The following PRELID2 variants were observed in gnomAD, a reference collection of about 807,000 sequenced individuals.
The protein encoded by PRELID2 is PRELI domain-containing protein 2.
In PRELID2, 25 loss-of-function variants were observed where a neutral mutation model predicts 28.4. That is an observed-to-expected ratio of 0.88 (90% confidence interval 0.64 to 1.23). PRELID2 has a LOEUF of 1.23. Among genes scored for constraint, PRELID2 ranks in the 50% most tolerant of loss-of-function variants. The pLI is 0.00. For missense variants in PRELID2, 201 were observed against 214.4 expected (o/e 0.94, Z 0.39); for synonymous variants, 76 against 71.6 (o/e 1.06, Z -0.31).
At chr5:145,575,534 A>T (rs1360315234) in intron 1 of PRELID2, among the ~76,000 whole-genome samples, 1 of 152,170 alleles carries the variant, frequency 6.6e-6, no homozygotes, top group Non-Finnish European at 1.5e-5. Flanking sequence ...GGACCTTTCT[A>T]TAGTTTCCTC....
At chr5:145,732,746 T>C (rs1192656323) in intron 1 of PRELID2, among the ~76,000 whole-genome samples, 1 of 152,086 alleles carries the variant, frequency 6.6e-6, no homozygotes, top group Admixed American at 6.6e-5. Context: ...ACAATACTAA[T>C]TGTCTTTCAA....
chr5:145,687,031 A>G (rs953992712), intron 1 of PRELID2, among the ~76,000 whole-genome samples: 2 of 152,206 alleles, frequency 1.3e-5, no homozygotes, highest in African/African-American at 4.8e-5. Flanking sequence ...ACAAAAAAGT[A>G]TGAAAATAAT....
At chr5:145,307,347 G>A in the PRELID2 span, among the ~76,000 whole-genome samples, 1 of 152,144 alleles carries the variant, frequency 6.6e-6, no homozygotes, top group Admixed American at 6.5e-5. Flanking sequence ...TCTCTCCATG[G>A]CACAAGCAGC....
intron 1 of PRELID2, among the ~76,000 whole-genome samples, chr5:145,558,171 A>G (rs1321816833): frequency 6.6e-6 from 1 of 152,244 alleles, no homozygotes; most frequent in Admixed American, 6.5e-5. Flanking sequence ...TAATGGGACT[A>G]TTAAAACCTG....
intron 1 of PRELID2, among the ~76,000 whole-genome samples, chr5:145,533,700 C>A (rs955710223): frequency 3.9e-5 from 6 of 151,998 alleles, no homozygotes; most frequent in Non-Finnish European, 8.8e-5. Context: ...ATACTGTATT[C>A]CCTCTTTTTG....
chr5:145,471,773 G>A (rs763695315), downstream of PRELID2: 5 of 152,066 alleles, frequency 3.3e-5, no homozygotes, highest in Non-Finnish European at 7.4e-5. Context: ...ACTGACATAT[G>A]TAATACAATT....
rs116032196 is a variant in PRELID2 at position 145,611,172 on chromosome 5, A to T, written n.71-137857T>A. 1.6e-3 allele frequency among the ~76,000 whole-genome samples: 241 copies of T among 149,192 alleles called. 2 individuals are homozygous for T. Among genetic ancestry groups the T allele is most frequent in the Admixed American group, 2.5e-3 (37 of 14,884 alleles). On this transcript the variant is annotated intron_variant and non_coding_transcript_variant, in intron 1 of 2. Transcript: ENST00000510259. ...CTGAGAAACGAATTTAGCAAGGTCA[A>T]TTTTTTTTTTATATGGGGTCTTGTT...
At chr5:145,832,514 C>T (rs545878134) in intron 1 of PRELID2, among the ~76,000 whole-genome samples, 27 of 152,144 alleles carry the variant, frequency 1.8e-4, no homozygotes, top group South Asian at 4.2e-4. Flanking sequence ...CCCTGTATTA[C>T]CTCAATAATC....
intron 1 of PRELID2, among the ~76,000 whole-genome samples, chr5:145,685,602 T>G (rs1427374091): frequency 6.6e-6 from 1 of 152,180 alleles, no homozygotes; most frequent in Non-Finnish European, 1.5e-5. Flanking sequence ...GTCCCACATC[T>G]GTTTCAGGAG....
chr5:145,606,945 T>C (rs539370167), intron 1 of PRELID2, among the ~76,000 whole-genome samples: 13 of 152,150 alleles, frequency 8.5e-5, no homozygotes, highest in Non-Finnish European at 1.5e-5. Flanking sequence ...TTTCAGGGAT[T>C]CAGTTTCTTC....
intron 1 of PRELID2, among the ~76,000 whole-genome samples, chr5:145,825,257 A>AAAAC (rs1755113586): frequency 7.1e-6 from 1 of 141,090 alleles, no homozygotes; most frequent in African/African-American, 2.8e-5. Flanking sequence ...AAAAAAAAAA[A>AAAAC]AAACTTGGAA....
At chr5:145,676,231 A>T (rs182437839) in intron 1 of PRELID2, among the ~76,000 whole-genome samples, 10,282 of 148,866 alleles carry the variant, frequency 0.069, 576 homozygotes, top group Admixed American at 0.18. Flanking sequence ...AAAAAAAAAA[A>T]AAAAAAAAAA....
intron 1 of PRELID2, among the ~76,000 whole-genome samples, chr5:145,479,161 G>A (rs943677230): frequency 3.3e-5 from 5 of 152,112 alleles, no homozygotes; most frequent in South Asian, 4.1e-4. Context: ...CCAAACCAAC[G>A]TTCCTAAATC....
At chr5:145,594,675 T>C (rs1753277870) in intron 1 of PRELID2, among the ~76,000 whole-genome samples, 1 of 152,208 alleles carries the variant, frequency 6.6e-6, no homozygotes, top group South Asian at 2.1e-4. Flanking sequence ...TCATAATTCA[T>C]CAAGTTAAAA....
chr5:145,572,064 G>A (rs1753019704), intron 1 of PRELID2, among the ~76,000 whole-genome samples: 1 of 151,964 alleles, frequency 6.6e-6, no homozygotes, highest in Non-Finnish European at 1.5e-5. Context: ...GACTTTATCT[G>A]TATAATAAGA....
intron 1 of PRELID2, among the ~76,000 whole-genome samples, chr5:145,520,036 C>T (rs1480409353): frequency 6.6e-6 from 1 of 152,130 alleles, no homozygotes; most frequent in Non-Finnish European, 1.5e-5. Context: ...GGATTCCGAC[C>T]AATTTGAGCA....
chr5:145,289,393 G>T, the PRELID2 span, among the ~76,000 whole-genome samples: 1 of 152,072 alleles, frequency 6.6e-6, no homozygotes, highest in South Asian at 2.1e-4. Context: ...CTAGCAATAT[G>T]GACTTAAGAC....
intron 1 of PRELID2, among the ~76,000 whole-genome samples, chr5:145,665,989 A>ATT (rs1456539361): frequency 1.2e-4 from 16 of 138,440 alleles, no homozygotes; most frequent in African/African-American, 5.1e-4. Context: ...TTTTTTTTAA[A>ATT]AAAAAAAAAA....
At chr5:145,601,602 A>G (rs1027394086) in intron 1 of PRELID2, among the ~76,000 whole-genome samples, 1 of 152,224 alleles carries the variant, frequency 6.6e-6, no homozygotes, top group African/African-American at 2.4e-5. Context: ...TGAAGAGTTA[A>G]TAAGAGAGTG....
Sources: gnomAD v4.1 joint callset for allele counts (sites outside exome capture counted in the v4.1 genomes callset) on GRCh38, gnomAD v4.1.1 for gene constraint, MANE v1.5 for transcripts, NCBI Gene and HGNC (gene_info 2026-07-23, HGNC 2026-07-21) for gene names.